Variants in REDIC1 observed in about 807,000 individuals in gnomAD.
The protein encoded by REDIC1 is HEI10 Interacting Protein 1.
chr12:39,711,737 A>G, the REDIC1 span, among the ~76,000 whole-genome samples: 7 of 100,914 alleles, frequency 6.9e-5, no homozygotes, highest in Non-Finnish European at 1.1e-4. Flanking sequence ...GCATGTGTGT[A>G]TGTGTGTATA....
chr12:39,647,841 TA>T, the REDIC1 span: 1 of 1,606,264 alleles, frequency 6.2e-7, no homozygotes, highest in East Asian at 2.3e-5. Flanking sequence ...TTCAGCAAAA[TA>T]GAGAACTGCA....
chr12:39,675,895 CA>C, the REDIC1 span, among the ~76,000 whole-genome samples: 3 of 152,166 alleles, frequency 2.0e-5, no homozygotes, highest in African/African-American at 4.8e-5. Context: ...CATAGGGGAA[CA>C]GGGAGAGCAC....
chr12:39,634,110 G>T, the REDIC1 span, among the ~76,000 whole-genome samples: 2 of 151,994 alleles, frequency 1.3e-5, no homozygotes, highest in Non-Finnish European at 2.9e-5. Context: ...ATTTCGTTGA[G>T]CAGTGGTTTG....
the REDIC1 span, among the ~76,000 whole-genome samples, chr12:39,629,655 T>C: frequency 6.6e-6 from 1 of 152,210 alleles, no homozygotes; most frequent in Admixed American, 6.5e-5. Context: ...TTTCCTTTTT[T>C]AGTTGCTTAC....
chr12:39,748,056 G>A, the REDIC1 span, among the ~76,000 whole-genome samples: 79 of 152,204 alleles, frequency 5.2e-4, no homozygotes, highest in African/African-American at 1.8e-3. Flanking sequence ...CATAATGACA[G>A]GATCAAATTC....
chr12:39,773,280 TGA>T, the REDIC1 span, among the ~76,000 whole-genome samples: 1 of 152,128 alleles, frequency 6.6e-6, no homozygotes, highest in Non-Finnish European at 1.5e-5. Context: ...TGCAATCAGG[TGA>T]AATATGTCTC....
At chr12:39,663,006 G>A in the REDIC1 span, among the ~76,000 whole-genome samples, 10 of 151,774 alleles carry the variant, frequency 6.6e-5, no homozygotes, top group Non-Finnish European at 7.4e-5. Flanking sequence ...CTTTTTTTAA[G>A]TACTTTTGGA....
the REDIC1 span, among the ~76,000 whole-genome samples, chr12:39,706,076 A>G: frequency 1.3e-5 from 2 of 152,040 alleles, no homozygotes; most frequent in Non-Finnish European, 2.9e-5. Context: ...AAACCAAAAG[A>G]TGCCATAAAA....
chr12:39,800,407 C>G, the REDIC1 span, among the ~76,000 whole-genome samples: 3 of 150,124 alleles, frequency 2.0e-5, no homozygotes, highest in Admixed American at 2.0e-4. Context: ...AAGAAAAAAA[C>G]AAACAACCCC....
chr12:39,649,829 G>A, the REDIC1 span, among the ~76,000 whole-genome samples: 2 of 151,722 alleles, frequency 1.3e-5, no homozygotes, highest in Non-Finnish European at 2.9e-5. Flanking sequence ...AATTAAAGTA[G>A]CAATCTAAAG....
the REDIC1 span, among the ~76,000 whole-genome samples, chr12:39,626,526 C>T: frequency 8.5e-5 from 13 of 152,120 alleles, no homozygotes; most frequent in Non-Finnish European, 1.8e-4. Flanking sequence ...ATCTCTACTC[C>T]TCAGACAAAA....
chr12:39,711,712 C>T, the REDIC1 span, among the ~76,000 whole-genome samples: 458 of 11,148 alleles, frequency 0.041, 23 homozygotes, highest in African/African-American at 0.054. Flanking sequence ...TATACACATG[C>T]ATGTGTATGC....
the REDIC1 span, among the ~76,000 whole-genome samples, chr12:39,904,808 A>G: frequency 6.6e-6 from 1 of 152,084 alleles, no homozygotes; most frequent in South Asian, 2.1e-4. Flanking sequence ...TTTAGTGCAT[A>G]TTTGTTGAAT....
chr12:39,849,182 A>T, the REDIC1 span, among the ~76,000 whole-genome samples: 380 of 152,208 alleles, frequency 2.5e-3, 4 homozygotes, highest in African/African-American at 7.7e-3. Context: ...TAAAGATTTA[A>T]AAAAAAATTC....
the REDIC1 span, among the ~76,000 whole-genome samples, chr12:39,870,204 T>C: frequency 6.6e-6 from 1 of 152,282 alleles, no homozygotes; most frequent in African/African-American, 2.4e-5. Flanking sequence ...ATTTAAAAAA[T>C]AGACTTCTTG....
At chr12:39,689,052 C>G in the REDIC1 span, among the ~76,000 whole-genome samples, 1 of 152,150 alleles carries the variant, frequency 6.6e-6, no homozygotes, top group Non-Finnish European at 1.5e-5. Context: ...GTTTCCTAAC[C>G]ATCCATCCAT....
At chr12:39,655,456 C>G in the REDIC1 span, among the ~76,000 whole-genome samples, 1 of 152,152 alleles carries the variant, frequency 6.6e-6, no homozygotes, top group South Asian at 2.1e-4. Flanking sequence ...GAGTAGATAC[C>G]TGAGGCCCTC....
At chr12:39,675,663 C>T in the REDIC1 span, among the ~76,000 whole-genome samples, 5 of 152,222 alleles carry the variant, frequency 3.3e-5, no homozygotes, top group African/African-American at 1.2e-4. Flanking sequence ...AAAACCAGTG[C>T]ATTAAAAACT....
At chr12:39,711,795 A>G in the REDIC1 span, among the ~76,000 whole-genome samples, 8 of 126,350 alleles carry the variant, frequency 6.3e-5, no homozygotes, top group African/African-American at 2.0e-4. Flanking sequence ...ATGTGTGTGT[A>G]CACATGCATG....
Sources: gnomAD v4.1 joint callset for allele counts (sites outside exome capture counted in the v4.1 genomes callset) on GRCh38, gnomAD v4.1.1 for gene constraint, MANE v1.5 for transcripts, NCBI Gene and HGNC (gene_info 2026-07-23, HGNC 2026-07-21) for gene names.